Variants in ATAD2B observed in about 807,000 individuals in gnomAD.
The protein encoded by ATAD2B is ATPase family AAA domain containing 2B, also known as ATPase family AAA domain-containing protein 2B.
Under a neutral mutation model 167.6 loss-of-function variants are expected in ATAD2B, and 40 were observed. That is an observed-to-expected ratio of 0.24 (90% CI 0.19 to 0.31). The LOEUF is 0.31. ATAD2B is among the 10% of genes least tolerant of loss of function. The pLI is 1.00. For synonymous variants in ATAD2B, 579 were observed against 596.5 expected (o/e 0.97, Z 0.43); for missense variants, 1,242 against 1,757.2 (o/e 0.71, Z 5.24).
chr2:23,812,932 A>G (rs940161137), intron 17 of ATAD2B, among the ~76,000 whole-genome samples: 1 of 152,084 alleles, frequency 6.6e-6, no homozygotes, highest in Non-Finnish European at 1.5e-5. Context: ...TTCTTGTTCA[A>G]TTTTCTTAAC....
At chr2:23,756,167 C>T (rs1408901022) in intron 25 of ATAD2B, among the ~76,000 whole-genome samples, 1 of 152,136 alleles carries the variant, frequency 6.6e-6, no homozygotes. Context: ...ATATTCATTA[C>T]TTAACCCTAG....
At chr2:23,721,480 C>T in the ATAD2B span, among the ~76,000 whole-genome samples, 2 of 152,068 alleles carry the variant, frequency 1.3e-5, no homozygotes, top group Non-Finnish European at 2.9e-5. Context: ...AATGGGTCAC[C>T]CCCTGCAGAC....
At chr2:23,879,231 G>A (rs2150191025) in intron 7 of ATAD2B, among the ~76,000 whole-genome samples, 1 of 152,010 alleles carries the variant, frequency 6.6e-6, no homozygotes, top group Middle Eastern at 3.4e-3. Context: ...AAACTGGAAA[G>A]GATCATAATG....
At chr2:23,682,680 ACACCCTCCCG>A in the ATAD2B span, among the ~76,000 whole-genome samples, 351 of 147,408 alleles carry the variant, frequency 2.4e-3, 11 homozygotes, top group East Asian at 0.054. The surrounding 1 kb of genome is among the most constrained non-coding windows in gnomAD (Gnocchi z 4.1). Context: ...GCACCCTCCC[ACACCCTCCCG>A]CACCCTCCCG....
the ATAD2B span, chr2:23,706,749 A>G: frequency 1.6e-4 from 158 of 962,702 alleles, 2 homozygotes; most frequent in South Asian, 2.1e-3. Flanking sequence ...CGACACCAAC[A>G]AGAGGCCAAC....
chr2:23,921,906 T>C (rs1483472375), intron 1 of ATAD2B, among the ~76,000 whole-genome samples: 1 of 152,206 alleles, frequency 6.6e-6, no homozygotes, highest in Non-Finnish European at 1.5e-5. Flanking sequence ...TTATGAGATT[T>C]CCCTCTCAGA....
At chr2:23,685,789 G>C in the ATAD2B span, among the ~76,000 whole-genome samples, 1 of 152,240 alleles carries the variant, frequency 6.6e-6, no homozygotes, top group Non-Finnish European at 1.5e-5. Flanking sequence ...GCCTCACCAG[G>C]CCAGGGAGGA....
At chr2:23,851,356 G>T (rs1205524587) in intron 13 of ATAD2B, among the ~76,000 whole-genome samples, 1 of 152,162 alleles carries the variant, frequency 6.6e-6, no homozygotes, top group Non-Finnish European at 1.5e-5. Context: ...GCCCAGGCTG[G>T]TCTCAAACTG....
intron 19 of ATAD2B, 36 bp from the exon 20 acceptor site, chr2:23,788,683 A>G (rs780884043): frequency 2.0e-6 from 3 of 1,479,454 alleles, no homozygotes; most frequent in South Asian, 1.2e-5. Flanking sequence ...CATTAAATAT[A>G]TAAAGAATTA....
At chr2:23,802,650 AT>A (rs1047255904) in intron 18 of ATAD2B, among the ~76,000 whole-genome samples, 1 of 152,132 alleles carries the variant, frequency 6.6e-6, no homozygotes, top group African/African-American at 2.4e-5. Flanking sequence ...AAAAAAAAAA[AT>A]TTAAGAAGTG....
chr2:23,905,734 T>C (rs968093220), intron 1 of ATAD2B, among the ~76,000 whole-genome samples: 8 of 152,226 alleles, frequency 5.3e-5, no homozygotes, highest in African/African-American at 1.9e-4. Context: ...TTTGGCTTTA[T>C]AGAATTAATG....
chr2:23,732,784 C>T, the ATAD2B span, among the ~76,000 whole-genome samples: 2 of 152,104 alleles, frequency 1.3e-5, no homozygotes, highest in African/African-American at 4.8e-5. Flanking sequence ...GGAATCTTGA[C>T]CCATTAATAT....
chr2:23,705,788 A>C, the ATAD2B span, among the ~76,000 whole-genome samples: 1 of 152,138 alleles, frequency 6.6e-6, no homozygotes, highest in Admixed American at 6.5e-5. Flanking sequence ...GGCTAGAAAC[A>C]AGGATGTGGA....
chr2:23,783,171 T>C, intron 21 of ATAD2B, 143 bp from the exon 22 acceptor site: 1 of 446,326 alleles, frequency 2.2e-6, no homozygotes, highest in Non-Finnish European at 3.8e-6. Flanking sequence ...TGCAGCGCTA[T>C]TTATGCTACC....
At chr2:23,920,756 TCCC>T (rs540199565) in intron 1 of ATAD2B, among the ~76,000 whole-genome samples, 2 of 151,976 alleles carry the variant, frequency 1.3e-5, no homozygotes, top group East Asian at 3.9e-4. Context: ...CATACATGAT[TCCC>T]CCCCAACTTT....
At chr2:23,848,715 C>T (rs966183305) in intron 13 of ATAD2B, among the ~76,000 whole-genome samples, 3 of 151,996 alleles carry the variant, frequency 2.0e-5, no homozygotes, top group Non-Finnish European at 4.4e-5. Flanking sequence ...TCAACTAATC[C>T]AAATGAAGGT....
At chr2:23,852,326 T>C (rs1170085204) in intron 13 of ATAD2B, among the ~76,000 whole-genome samples, 1 of 152,060 alleles carries the variant, frequency 6.6e-6, no homozygotes, top group South Asian at 2.1e-4. Context: ...GGTCTCACTA[T>C]GTTGCCCAGG....
At chr2:23,796,490 G>A (rs1473782725) in intron 19 of ATAD2B, among the ~76,000 whole-genome samples, 1 of 152,216 alleles carries the variant, frequency 6.6e-6, no homozygotes, top group East Asian at 1.9e-4. Flanking sequence ...AATAAAAACT[G>A]CTTATCAAGA....
the ATAD2B span, chr2:23,707,633 GT>G: frequency 4.6e-5 from 7 of 152,324 alleles, no homozygotes; most frequent in East Asian, 1.4e-3. Flanking sequence ...AAGGAGCCCG[GT>G]TCTGGCTCAG....
Sources: allele counts gnomAD v4.1 joint callset (sites outside exome capture counted in the v4.1 genomes callset), GRCh38; gene constraint gnomAD v4.1.1; non-coding constraint Gnocchi (gnomAD v3.1); transcripts MANE v1.5; gene names NCBI Gene and HGNC (gene_info 2026-07-23, HGNC 2026-07-21).